The following COL6A5 variants were observed in gnomAD, a reference collection of about 807,000 sequenced individuals.
The protein encoded by COL6A5 is collagen type VI alpha 5 chain, also known as collagen alpha-5(VI) chain.
In COL6A5, 48 loss-of-function variants were observed where a neutral mutation model predicts 65.6. The observed-to-expected ratio is 0.73, with a 90% CI of 0.58 to 0.93. The LOEUF (loss-of-function observed/expected upper bound fraction) is 0.93, where lower values mean the gene tolerates loss of function less well. Among genes scored for constraint, COL6A5 ranks in the 40% least tolerant of loss-of-function variants. The pLI is 0.00. For missense variants in COL6A5, 914 were observed against 928.3 expected (o/e 0.98, Z 0.20); for synonymous variants, 291 against 322.8 (o/e 0.90, Z 1.05).
chr3:130,403,623 G>A, exon 13 of COL6A5: 3 of 1,551,258 alleles, frequency 1.9e-6, no homozygotes, highest in Non-Finnish European at 2.6e-6. Flanking sequence ...CTCAAGGTCT[G>A]AAAGGCAGCA....
chr3:130,410,591 A>T, intron 20 of COL6A5, 67 bp downstream of exon 20: 5 of 1,352,110 alleles, frequency 3.7e-6, no homozygotes, highest in Non-Finnish European at 5.2e-6. Context: ...CATTCAGAAT[A>T]TTTGTTGTGC....
At chr3:130,397,410 A>ATATATG (rs1014301542) in intron 8 of COL6A5, among the ~76,000 whole-genome samples, 173 bp from the exon 9 acceptor site, 1 of 151,974 alleles carries the variant, frequency 6.6e-6, no homozygotes, top group Non-Finnish European at 1.5e-5. Context: ...TATATATATG[A>ATATATG]TATATGTATA....
At chr3:130,436,513 A>G (rs1449810638) in intron 1 of COL6A5, among the ~76,000 whole-genome samples, 1 of 152,118 alleles carries the variant, frequency 6.6e-6, no homozygotes, top group East Asian at 1.9e-4. Context: ...TTCTTGAGAT[A>G]ATCCCAGTCA....
chr3:130,348,724 T>C (rs1459998266), intron 1 of COL6A5, among the ~76,000 whole-genome samples: 2 of 152,210 alleles, frequency 1.3e-5, no homozygotes, highest in South Asian at 4.1e-4. Flanking sequence ...GTTGAACTAA[T>C]TTATACTCCC....
At chr3:130,407,629 G>A (rs907918077) in intron 17 of COL6A5, among the ~76,000 whole-genome samples, 41 of 152,316 alleles carry the variant, frequency 2.7e-4, no homozygotes, top group African/African-American at 9.4e-4. Flanking sequence ...AAGGGGCAGA[G>A]TTATGTGGAG....
At chr3:130,440,145 T>G in intron 2 of COL6A5, 21 bp from the exon 35 acceptor site, 1 of 1,587,958 alleles carries the variant, frequency 6.3e-7, no homozygotes, top group Non-Finnish European at 8.6e-7. Context: ...ACCAATGATG[T>G]GTCTCTCTGT....
intron 4 of COL6A5, 133 bp from the exon 5 acceptor site, chr3:130,384,671 G>GA: frequency 1.5e-6 from 1 of 664,226 alleles, no homozygotes; most frequent in Admixed American, 3.2e-5. Context: ...TGTGCTTAAT[G>GA]AAGTGTGCAG....
At chr3:130,411,329 G>T (rs1393754536) in intron 20 of COL6A5, among the ~76,000 whole-genome samples, 1 of 152,222 alleles carries the variant, frequency 6.6e-6, no homozygotes, top group Non-Finnish European at 1.5e-5. Context: ...CAAAGTCCTA[G>T]ATTTGGCTCT....
At chr3:130,447,133 T>C (rs1709325587) in intron 4 of COL6A5, among the ~76,000 whole-genome samples, 1 of 152,146 alleles carries the variant, frequency 6.6e-6, no homozygotes, top group South Asian at 2.1e-4. Context: ...AGCGGTATAG[T>C]CTATCTTTAT....
intron 5 of COL6A5, among the ~76,000 whole-genome samples, chr3:130,460,759 G>A (rs1035893693): frequency 3.3e-5 from 5 of 151,820 alleles, no homozygotes; most frequent in Admixed American, 1.3e-4. Flanking sequence ...GGTAATATTG[G>A]TGGTGGTGGA....
At chr3:130,420,702 T>C (rs1434261856) in intron 25 of COL6A5, among the ~76,000 whole-genome samples, 1 of 152,156 alleles carries the variant, frequency 6.6e-6, no homozygotes, top group African/African-American at 2.4e-5. Flanking sequence ...ACAGGTATTG[T>C]CACTTTTTTC....
At chr3:130,414,888 C>T (rs146087740) in intron 22 of COL6A5, among the ~76,000 whole-genome samples, 1 of 152,206 alleles carries the variant, frequency 6.6e-6, no homozygotes, top group African/African-American at 2.4e-5. Flanking sequence ...TTGAGTGGTT[C>T]TGGGGTCCCT....
rs921264782 is a variant in COL6A5 at position 130,410,363 on chromosome 3, C to T, written c.4609-108C>T. 4 of 788,446 alleles carry T rather than the reference C, an allele frequency of 5.1e-6. No homozygotes were observed. The Admixed American group carries it at 9.3e-5, about 18-fold the overall frequency. 48.8% of individuals were successfully genotyped at this position (788,446 alleles called of 1,614,324 possible). A position where few individuals can be genotyped will look rare whatever the true frequency, so the allele number is the denominator to read the frequency against. On this transcript the variant is annotated intron_variant and NMD_transcript_variant, in intron 19 of 41. Coordinates refer to the COL6A5 transcript ENST00000312481. ...AATATGCAGAATGATCACAGCATGA[C>T]ATGTTTATTCTGCCATTTTAATAGT...
At chr3:130,346,321 A>G (rs890749537) in intron 1 of COL6A5, among the ~76,000 whole-genome samples, 1 of 152,092 alleles carries the variant, frequency 6.6e-6, no homozygotes, top group Non-Finnish European at 1.5e-5. Flanking sequence ...TATTTTAACA[A>G]TCCTCCACGG....
At chr3:130,436,183 A>T (rs1031380570) in intron 1 of COL6A5, among the ~76,000 whole-genome samples, 1 of 151,896 alleles carries the variant, frequency 6.6e-6, no homozygotes, top group South Asian at 2.1e-4. Flanking sequence ...GAAGTTAGAT[A>T]AAATGGATAG....
Position 130,469,301 on chromosome 3 carries a change from G to A in COL6A5, c.2053G>A (p.Ala685Thr), listed in dbSNP as rs183843148. 2 of 1,612,980 alleles carry A rather than the reference G, an allele frequency of 1.2e-6. No individual in the cohort carries two copies. The highest frequency in any genetic ancestry group is 3.3e-5 in the Admixed American group (2 of 59,846). Residue 685 changes from alanine (A) to threonine (T), a missense_variant, in exon 6 of 8, where the codon GCC (alanine) becomes ACC (threonine). Transcript: ENST00000512836. ...CGTCTTAAGGAATGTGTCTCTGAGA[G>A]CCAAGTGTCAAGGCTACTCCATATT...
chr3:130,377,156 T>G (rs926456483), intron 3 of COL6A5, among the ~76,000 whole-genome samples: 1 of 152,216 alleles, frequency 6.6e-6, no homozygotes, highest in Admixed American at 6.5e-5. Flanking sequence ...ACACAGCTTA[T>G]GACAGCAGCA....
intron 7 of COL6A5, among the ~76,000 whole-genome samples, chr3:130,475,427 C>G (rs975623226): frequency 4.9e-4 from 74 of 152,168 alleles, no homozygotes; most frequent in Admixed American, 1.6e-3. Flanking sequence ...CATCAGAAAC[C>G]ATGAAGGCTA....
At chr3:130,358,290 A>C (rs1014107012) in intron 1 of COL6A5, among the ~76,000 whole-genome samples, 11 of 152,190 alleles carry the variant, frequency 7.2e-5, no homozygotes, top group African/African-American at 2.7e-4. Flanking sequence ...GTAATAATAA[A>C]AGGTATATAC....
Sources: gnomAD v4.1 joint callset for allele counts (sites outside exome capture counted in the v4.1 genomes callset) on GRCh38, gnomAD v4.1.1 for gene constraint, MANE v1.5 for transcripts, NCBI Gene and HGNC (gene_info 2026-07-23, HGNC 2026-07-21) for gene names.